Variants in JMJD1C observed in about 807,000 individuals in gnomAD.
The protein encoded by JMJD1C is jumonji domain containing 1C, also known as jumonji domain-containing protein 1C.
A neutral mutation model predicts 245.3 loss-of-function variants in JMJD1C; 31 were observed. The ratio of observed to expected loss-of-function variants is 0.13; its 90% CI spans 0.09 to 0.17. JMJD1C has a LOEUF of 0.17. Among genes scored for constraint, JMJD1C ranks in the 10% least tolerant of loss-of-function variants. The probability of loss-of-function intolerance (pLI) is 1.00; values close to 1 mark genes in which losing one functional copy is unlikely to be tolerated. For synonymous variants in JMJD1C, 1,057 were observed against 1,017.4 expected (o/e 1.04, Z -0.74); for missense variants, 2,691 against 3,000.2 (o/e 0.90, Z 2.41).
At chr10:63,466,522 T>G (rs946999826), upstream of JMJD1C, 1 of 152,272 alleles carries the variant, frequency 6.6e-6, no homozygotes, top group African/African-American at 2.4e-5. Flanking sequence ...TTCTCATTTG[T>G]GGTGATACTA....
chr10:63,463,755 C>T (rs1238280627), intron 1 of JMJD1C, among the ~76,000 whole-genome samples: 1 of 152,034 alleles, frequency 6.6e-6, no homozygotes, highest in Admixed American at 6.6e-5. Flanking sequence ...AAGATAGTAT[C>T]AATTCAACGA....
At chr10:63,434,047 G>A (rs1950928014) in intron 1 of JMJD1C, among the ~76,000 whole-genome samples, 1 of 152,050 alleles carries the variant, frequency 6.6e-6, no homozygotes, top group African/African-American at 2.4e-5. Flanking sequence ...CCCAAATCCA[G>A]TTTTTATGTT....
intron 1 of JMJD1C, among the ~76,000 whole-genome samples, chr10:63,447,908 C>T (rs954010446): frequency 2.0e-5 from 3 of 151,772 alleles, no homozygotes; most frequent in Admixed American, 6.6e-5. Context: ...CACTGCACTC[C>T]AGCCTGGGTG....
rs1395160659 is a variant in JMJD1C, at chr10:63,207,301, A to T, written c.4368T>A (p.Val1456=). Residue 1456 remains valine, a synonymous_variant, in exon 10 of 26, where the codon GTT becomes GTA. Coordinates refer to ENST00000399262, the MANE Select transcript of JMJD1C (RefSeq NM_032776.3). The stretch of plus-strand genomic sequence containing the variant: ...TTCCTGTCTTACTACTGGCTAATGT[A>T]ACTGGTGCTGTGGTGCTGACCTTGC... ...QECKVSTTAP[V]TLASSKTGSV... The T allele has an allele frequency of 6.2e-7, 1 of 1,613,620 alleles. No individual in the cohort carries two copies.
chr10:63,340,569 C>G (rs1943276393), intron 2 of JMJD1C, among the ~76,000 whole-genome samples: 1 of 152,186 alleles, frequency 6.6e-6, no homozygotes, highest in Non-Finnish European at 1.5e-5. Flanking sequence ...GTTAGAGAAA[C>G]TGGAGAGCAG....
intron 1 of JMJD1C, among the ~76,000 whole-genome samples, chr10:63,498,368 T>C (rs1366097641): frequency 6.6e-6 from 1 of 152,148 alleles, no homozygotes; most frequent in Non-Finnish European, 1.5e-5. Context: ...TTGAAAACAA[T>C]CCCTTATCTG....
intron 2 of JMJD1C, among the ~76,000 whole-genome samples, chr10:63,368,508 T>C (rs1946038004): frequency 6.6e-6 from 1 of 152,120 alleles, no homozygotes; most frequent in Non-Finnish European, 1.5e-5. Flanking sequence ...TAACTATACC[T>C]ATCCATGATA....
intron 2 of JMJD1C, among the ~76,000 whole-genome samples, chr10:63,373,579 TAGA>T (rs1946484360): frequency 6.6e-6 from 1 of 151,982 alleles, no homozygotes; most frequent in Non-Finnish European, 1.5e-5. Flanking sequence ...GTGAAACAAC[TAGA>T]AAGAAGATAA....
chr10:63,177,758 C>A lies in JMJD1C; in HGVS notation c.7183G>T (p.Ala2395Ser). The change falls in exon 23 of 26, where the codon GCT becomes TCT. Residue 2395 changes from alanine to serine, a missense_variant. Ala to Ser is a moderately conservative substitution (Grantham distance 99). This residue lies in a region of JMJD1C where 232 missense variants were observed against 416.1 expected (regional missense o/e 0.56). Transcript: ENST00000399262. ...EIPGALWHIY[A>S]GKDVDKIREF... is the part of the protein sequence containing the mutation. ...CTTATCTTGTCAACATCTTTCCCAGCATAAATATGCCACAGAGCACCAGGT... is the reference window on the plus strand; with the variant it reads ...CTTATCTTGTCAACATCTTTCCCAGAATAAATATGCCACAGAGCACCAGGT... 6.2e-7 allele frequency: 1 copy of A among 1,614,118 alleles called. No homozygotes were observed. The highest frequency in any genetic ancestry group is 1.1e-5 in the South Asian group (1 of 91,074).
chr10:63,383,330 T>C (rs1947357045), intron 1 of JMJD1C, among the ~76,000 whole-genome samples: 2 of 152,120 alleles, frequency 1.3e-5, no homozygotes, highest in African/African-American at 4.8e-5. Context: ...AACATCTGTT[T>C]CTAGTTAACT....
At chr10:63,404,404 T>C (rs1276653075) in intron 1 of JMJD1C, among the ~76,000 whole-genome samples, 3 of 152,110 alleles carry the variant, frequency 2.0e-5, no homozygotes, top group Non-Finnish European at 2.9e-5. Context: ...TGGAACCACA[T>C]GCTAATTTTT....
chr10:63,236,984 T>C (rs1165252744), intron 3 of JMJD1C, among the ~76,000 whole-genome samples: 4 of 58 alleles, frequency 0.069, no homozygotes, highest in Non-Finnish European at 0.12. Flanking sequence ...TGAAATAGTA[T>C]ACATATACAT....
At chr10:63,208,840 T>G (rs1846974264) in intron 9 of JMJD1C, 39 bp from the exon 10 acceptor site, 1 of 1,488,756 alleles carries the variant, frequency 6.7e-7, no homozygotes. Context: ...TAACCACTTT[T>G]TCCTGCAAAA....
chr10:63,278,510 G>A (rs1037605466), intron 2 of JMJD1C, among the ~76,000 whole-genome samples: 3 of 151,350 alleles, frequency 2.0e-5, no homozygotes, highest in Admixed American at 6.6e-5. Flanking sequence ...GGCGACAGAC[G>A]AGACTCCATC....
chr10:63,202,124 C>A (rs940264300), intron 10 of JMJD1C: 4 of 181,952 alleles, frequency 2.2e-5, no homozygotes, highest in African/African-American at 4.8e-5. Flanking sequence ...CGCGGTAGCA[C>A]GCACCTGTAA....
intron 2 of JMJD1C, among the ~76,000 whole-genome samples, chr10:63,324,194 G>A (rs995677100): frequency 2.6e-4 from 40 of 151,682 alleles, no homozygotes; most frequent in Admixed American, 5.9e-4. Context: ...ATCTTACCAG[G>A]ATCTGGGTAT....
intron 1 of JMJD1C, among the ~76,000 whole-genome samples, chr10:63,394,660 C>A (rs145824190): frequency 2.4e-3 from 367 of 152,086 alleles, no homozygotes; most frequent in Non-Finnish European, 4.1e-3. Flanking sequence ...GCCTAACCAA[C>A]ATGGAGAAAC....
At chr10:63,315,570 G>A (rs1031626817) in intron 2 of JMJD1C, among the ~76,000 whole-genome samples, 4 of 152,076 alleles carry the variant, frequency 2.6e-5, no homozygotes, top group Non-Finnish European at 4.4e-5. Flanking sequence ...CGGGTGCAGT[G>A]GCTCATGCCT....
intron 10 of JMJD1C, chr10:63,203,289 AC>A (rs1179580085): frequency 7.1e-6 from 7 of 980,320 alleles, no homozygotes; most frequent in African/African-American, 3.5e-5. Context: ...AATATATAAA[AC>A]CTAGAAGTTT....
Sources: gnomAD v4.1 joint callset for allele counts (sites outside exome capture counted in the v4.1 genomes callset) on GRCh38, gnomAD v4.1.1 for gene constraint, gnomAD v4.1.1 regional missense constraint, MANE v1.5 for transcripts, NCBI Gene and HGNC (gene_info 2026-07-23, HGNC 2026-07-21) for gene names.